Variants in ZNF536 observed in about 807,000 individuals in gnomAD.
ZNF536 encodes zinc finger protein 536.
ZNF536 carries 13 observed loss-of-function variants against 84.5 expected under a neutral mutation model. The ratio of observed to expected loss-of-function variants is 0.15; its 90% CI spans 0.10 to 0.24. The LOEUF (loss-of-function observed/expected upper bound fraction) is 0.24, where lower values mean the gene tolerates loss of function less well. ZNF536 is among the 10% of genes least tolerant of loss of function. The probability of loss-of-function intolerance (pLI) is 1.00; values close to 1 mark genes in which losing one functional copy is unlikely to be tolerated. For synonymous variants in ZNF536, 811 were observed against 742.5 expected, an observed-to-expected ratio of 1.09 and a Z score of -1.50; for missense variants, 1,536 against 1,747.5, an observed-to-expected ratio of 0.88 and a Z score of 2.16.
intron 1 of ZNF536, among the ~76,000 whole-genome samples, chr19:30,595,325 T>C (rs1283442267): frequency 6.6e-6 from 1 of 152,162 alleles, no homozygotes; most frequent in Non-Finnish European, 1.5e-5. Flanking sequence ...TCTCTCTCTC[T>C]TGCCCAGACT....
intron 1 of ZNF536, among the ~76,000 whole-genome samples, chr19:30,431,145 C>A (rs62101949): frequency 0.088 from 13,451 of 152,242 alleles, 745 homozygotes; most frequent in Middle Eastern, 0.15. Flanking sequence ...GAGACAGCAG[C>A]CCCCAGCAGC....
intron 1 of ZNF536, among the ~76,000 whole-genome samples, chr19:30,240,911 G>A (rs1224278396): frequency 6.6e-6 from 1 of 152,238 alleles, no homozygotes; most frequent in East Asian, 1.9e-4. Context: ...ACCTGCTAGA[G>A]AGGCTTTGAG....
intron 1 of ZNF536, among the ~76,000 whole-genome samples, chr19:30,599,453 T>C: frequency 2.0e-5 from 1 of 50,606 alleles, no homozygotes; most frequent in African/African-American, 8.6e-5. Context: ...CCTCCTTCCT[T>C]CCCTCCCTCC....
intron 3 of ZNF536, among the ~76,000 whole-genome samples, chr19:30,361,248 T>G (rs1302203034): frequency 6.6e-6 from 1 of 152,270 alleles, no homozygotes; most frequent in Non-Finnish European, 1.5e-5. Context: ...ACTCTCCCTG[T>G]GTGCCTGGGC....
chr19:30,619,713 G>T (rs534641699), intron 1 of ZNF536, among the ~76,000 whole-genome samples: 2 of 152,312 alleles, frequency 1.3e-5, no homozygotes, highest in South Asian at 4.1e-4. Flanking sequence ...TATTTCTCAT[G>T]TCTGTCTATA....
chr19:30,314,295 A>G (rs986732670), intron 2 of ZNF536, among the ~76,000 whole-genome samples: 6 of 152,164 alleles, frequency 3.9e-5, no homozygotes, highest in Admixed American at 2.6e-4. Flanking sequence ...GGGCTGGACT[A>G]TCATTCGTGC....
At chr19:30,294,182 C>T (rs914652038) in intron 2 of ZNF536, among the ~76,000 whole-genome samples, 2 of 152,146 alleles carry the variant, frequency 1.3e-5, no homozygotes, top group Admixed American at 6.5e-5. Context: ...GCCCCCAACA[C>T]AGAGGAGCTT....
intron 1 of ZNF536, among the ~76,000 whole-genome samples, chr19:30,701,185 T>G (rs1365670329): frequency 1.2e-5 from 1 of 81,534 alleles, no homozygotes; most frequent in Non-Finnish European, 2.3e-5. Flanking sequence ...GTGCTATATC[T>G]CACTCTCACA....
At chr19:30,521,854 C>T (rs773169231) in intron 2 of ZNF536, among the ~76,000 whole-genome samples, 4 of 152,020 alleles carry the variant, frequency 2.6e-5, no homozygotes, top group Non-Finnish European at 5.9e-5. Flanking sequence ...AAAGGTCACC[C>T]ATGTGGATAT....
chr19:30,341,695 G>T (rs888115161), intron 2 of ZNF536, among the ~76,000 whole-genome samples: 1 of 151,976 alleles, frequency 6.6e-6, no homozygotes, highest in African/African-American at 2.4e-5. Flanking sequence ...GCAGAGCTGG[G>T]ATTTGGAACT....
intron 1 of ZNF536, among the ~76,000 whole-genome samples, chr19:30,399,922 A>G (rs2049979717): frequency 6.6e-6 from 1 of 152,118 alleles, no homozygotes; most frequent in Non-Finnish European, 1.5e-5. Context: ...TCCTGACCTC[A>G]AGCAGTCCAC....
intron 1 of ZNF536, among the ~76,000 whole-genome samples, chr19:30,229,258 T>C (rs964789607): frequency 2.3e-4 from 35 of 151,942 alleles, no homozygotes; most frequent in East Asian, 1.9e-4. Flanking sequence ...TGAAGGAGAG[T>C]GCAGACCTTC....
chr19:30,437,463 A>G (rs991571684), intron 1 of ZNF536, among the ~76,000 whole-genome samples: 7 of 152,126 alleles, frequency 4.6e-5, no homozygotes, highest in Non-Finnish European at 8.8e-5. Flanking sequence ...TGTGCACCCA[A>G]TGGTGGGTTT....
chr19:30,445,401 C>A lies in ZNF536; in HGVS notation c.1839C>A (p.Asn613Lys), dbSNP rs2148223114. ...GGGATTTTTTGTCACACGGGCTGAACCAGACTCTCGAGTATAACCTGCAGG... is the reference window on the plus strand; with the variant it reads ...GGGATTTTTTGTCACACGGGCTGAAACAGACTCTCGAGTATAACCTGCAGG... ...SSRDFLSHGL[N>K]QTLEYNLQGP... The change falls in exon 2 of 5, where the codon AAC becomes AAA. Residue 613 changes from asparagine to lysine, a missense_variant. This residue lies in a region of ZNF536 where 366 missense variants were observed against 364.4 expected (regional missense o/e 1.00). Transcript: ENST00000355537. This position sits in a 1 kb window ranked among gnomAD's most constrained non-coding sequence, Gnocchi z 4.5. The A allele has an allele frequency of 6.2e-7, 1 of 1,614,156 alleles. No homozygotes were observed. Among genetic ancestry groups the A allele is most frequent in the South Asian group, 1.1e-5 (1 of 91,080 alleles).
intron 1 of ZNF536, among the ~76,000 whole-genome samples, chr19:30,575,931 G>C (rs1408173808): frequency 6.6e-6 from 1 of 152,224 alleles, no homozygotes; most frequent in African/African-American, 2.4e-5. Context: ...CCTAGGCCTT[G>C]TGGCCACAAG....
chr19:30,305,976 T>C (rs536264703), intron 2 of ZNF536, among the ~76,000 whole-genome samples: 2 of 152,246 alleles, frequency 1.3e-5, no homozygotes, highest in African/African-American at 4.8e-5. Context: ...ATCGGTTTTT[T>C]TCCCCCCTCC....
chr19:30,453,614 C>A (rs2052707641), intron 2 of ZNF536, among the ~76,000 whole-genome samples: 1 of 152,162 alleles, frequency 6.6e-6, no homozygotes, highest in South Asian at 2.1e-4. Context: ...CAGCTTGCAA[C>A]AAACAGGGCA....
intron 2 of ZNF536, among the ~76,000 whole-genome samples, chr19:30,467,085 G>A (rs550447513): frequency 1.3e-5 from 2 of 152,166 alleles, no homozygotes; most frequent in East Asian, 1.9e-4. Context: ...GTGATCCTCC[G>A]CCTCTGCCTC....
chr19:30,552,187 C>T (rs2045810183), intron 4 of ZNF536, among the ~76,000 whole-genome samples: 1 of 152,200 alleles, frequency 6.6e-6, no homozygotes, highest in Non-Finnish European at 1.5e-5. Flanking sequence ...GTTTATTCCT[C>T]CTTCTCTTCT....
Sources: allele counts gnomAD v4.1 joint callset (sites outside exome capture counted in the v4.1 genomes callset), GRCh38; gene constraint gnomAD v4.1.1; regional missense constraint gnomAD v4.1.1; non-coding constraint Gnocchi (gnomAD v3.1); transcripts MANE v1.5; gene names NCBI Gene and HGNC (gene_info 2026-07-23, HGNC 2026-07-21).